The following SIPA1L1 variants were observed in gnomAD, a reference collection of about 807,000 sequenced individuals.
SIPA1L1 encodes signal-induced proliferation-associated 1-like protein 1.
A neutral mutation model predicts 162.7 loss-of-function variants in SIPA1L1; 26 were observed. The ratio of observed to expected loss-of-function variants is 0.16; its 90% confidence interval spans 0.12 to 0.22. The LOEUF is 0.22. Ranked by LOEUF, SIPA1L1 falls within the 10% of genes least tolerant of loss-of-function variation. The pLI is 1.00. For synonymous variants in SIPA1L1, 829 were observed against 837.4 expected (o/e 0.99, Z 0.17); for missense variants, 1,874 against 2,241.0 (o/e 0.84, Z 3.31).
At chr14:71,585,402 A>G (rs1273086622) in intron 4 of SIPA1L1, among the ~76,000 whole-genome samples, 2 of 152,176 alleles carry the variant, frequency 1.3e-5, no homozygotes, top group Non-Finnish European at 2.9e-5. Flanking sequence ...TTGGTAAGAA[A>G]TTTTTATATT....
chr14:71,628,083 G>A (rs544744064), intron 7 of SIPA1L1, among the ~76,000 whole-genome samples: 5 of 152,160 alleles, frequency 3.3e-5, no homozygotes, highest in South Asian at 2.1e-4. Context: ...CCAGGAGTTC[G>A]AGACCAGCCT....
Position 71,658,129 on chromosome 14 carries a change from G to C in SIPA1L1, c.1994-204G>C, listed in dbSNP as rs548627017. Among the ~76,000 whole-genome samples the C allele has an allele frequency of 5.3e-5, 8 of 151,078 alleles. No homozygotes were observed. The South Asian group carries it at 1.5e-3, about 28-fold the overall frequency. On this transcript the variant is annotated intron_variant, in intron 8 of 23. Coordinates refer to ENST00000381232, the MANE Select transcript of SIPA1L1 (RefSeq NM_001386936.1). Reference sequence around the variant, plus strand: ...TTTATACTTTTACAAATATTATTCTGAGAAGGGATCTGATCCGTAGGCTTC... The same window carrying C: ...TTTATACTTTTACAAATATTATTCTCAGAAGGGATCTGATCCGTAGGCTTC...
intron 4 of SIPA1L1, among the ~76,000 whole-genome samples, chr14:71,534,828 G>A (rs2145512522): frequency 6.6e-6 from 1 of 152,290 alleles, no homozygotes; most frequent in South Asian, 2.1e-4. Context: ...TATAGAGTCT[G>A]TTGATCGTAA....
chr14:71,602,079 T>G (rs1183848469), intron 5 of SIPA1L1, among the ~76,000 whole-genome samples: 1 of 152,146 alleles, frequency 6.6e-6, no homozygotes, highest in Non-Finnish European at 1.5e-5. Context: ...TCTTCTGTGA[T>G]CTGTTATTTC....
rs185190822 is a variant in SIPA1L1, at chr14:71,587,443, C to T, written c.-302-128C>T. On this transcript the variant is annotated intron_variant, in intron 4 of 23. Coordinates refer to ENST00000381232, the MANE Select transcript of SIPA1L1 (RefSeq NM_001386936.1). The stretch of plus-strand genomic sequence containing the variant: ...TTTCAAACCTGCTTTACTAAAAATA[C>T]GGATTGTGGAACTGTGAATCCTAAT... 1,997 of 389,318 alleles carry T rather than the reference C, an allele frequency of 5.1e-3. 11 individuals carry two copies. The highest frequency in any genetic ancestry group is 5.5e-3 in the Non-Finnish European group (1,213 of 220,822). 24.1% of individuals were successfully genotyped at this position (389,318 alleles called of 1,614,324 possible).
chr14:71,524,264 G>A (rs1383147385), intron 3 of SIPA1L1, among the ~76,000 whole-genome samples: 4 of 152,162 alleles, frequency 2.6e-5, no homozygotes, highest in East Asian at 1.9e-4. Flanking sequence ...GTCTATTATA[G>A]TCAAGATACT....
intron 4 of SIPA1L1, among the ~76,000 whole-genome samples, chr14:71,538,754 C>G (rs1441072462): frequency 6.6e-6 from 1 of 151,656 alleles, no homozygotes; most frequent in Non-Finnish European, 1.5e-5. Flanking sequence ...TGTCTGTTTT[C>G]TGGTGTTTGC....
At chr14:71,420,146 C>A (rs923127929) in intron 2 of SIPA1L1, among the ~76,000 whole-genome samples, 20 of 152,106 alleles carry the variant, frequency 1.3e-4, no homozygotes, top group African/African-American at 4.8e-4. Context: ...TATTTTATAT[C>A]TATTATGTAG....
chr14:71,621,733 A>G (rs2039470582), intron 6 of SIPA1L1, among the ~76,000 whole-genome samples: 1 of 152,106 alleles, frequency 6.6e-6, no homozygotes, highest in Non-Finnish European at 1.5e-5. Flanking sequence ...GTTCAGTACA[A>G]CGTGCCCGAT....
Position 71,437,339 on chromosome 14 carries a change from C to T in SIPA1L1, c.-464-75404C>T, listed in dbSNP as rs79334653. Among the ~76,000 whole-genome samples the T allele has an allele frequency of 2.0e-3, 308 of 152,110 alleles. 1 individual carries two copies. The highest frequency in any genetic ancestry group is 6.8e-3 in the African/African-American group (284 of 41,486). On this transcript the variant is annotated intron_variant, in intron 2 of 23. Coordinates refer to ENST00000381232, the MANE Select transcript of SIPA1L1 (RefSeq NM_001386936.1). ...AACCAGCCTGGGCGATAGTGAGACCCTGTCTCTTAGAAACTACATATATAT... is the reference window on the plus strand; with the variant it reads ...AACCAGCCTGGGCGATAGTGAGACCTTGTCTCTTAGAAACTACATATATAT...
intron 10 of SIPA1L1, among the ~76,000 whole-genome samples, chr14:71,664,435 A>G (rs758148967): frequency 1.3e-5 from 2 of 152,178 alleles, no homozygotes; most frequent in Non-Finnish European, 2.9e-5. Flanking sequence ...TTGTGGGTAC[A>G]TAGTAGGTGT....
At chr14:71,530,268 T>G (rs1207104130) in intron 4 of SIPA1L1, among the ~76,000 whole-genome samples, 1 of 152,162 alleles carries the variant, frequency 6.6e-6, no homozygotes, top group Non-Finnish European at 1.5e-5. Context: ...CTCTTCACTC[T>G]TAACAGTTAG....
At chr14:71,542,367 C>CCTGCTG (rs142934736) in intron 4 of SIPA1L1, among the ~76,000 whole-genome samples, 1 of 137,352 alleles carries the variant, frequency 7.3e-6, no homozygotes, top group East Asian at 2.3e-4. Context: ...TCTTCTTCTT[C>CCTGCTG]CTGCTGCTGC....
chr14:71,603,351 A>G (rs1466890092), intron 5 of SIPA1L1, among the ~76,000 whole-genome samples: 1 of 151,954 alleles, frequency 6.6e-6, no homozygotes, highest in Non-Finnish European at 1.5e-5. Context: ...ATTCAAGGTT[A>G]TTATTTATAG....
chr14:71,533,161 G>C, intron 4 of SIPA1L1, among the ~76,000 whole-genome samples: 1 of 151,954 alleles, frequency 6.6e-6, no homozygotes, highest in Non-Finnish European at 1.5e-5. Flanking sequence ...TCATTTTTTT[G>C]GTGTGTTTGC....
intron 2 of SIPA1L1, among the ~76,000 whole-genome samples, chr14:71,383,682 G>A (rs557818891): frequency 1.3e-5 from 2 of 152,092 alleles, no homozygotes; most frequent in Non-Finnish European, 2.9e-5. Context: ...AGAAGGGGTG[G>A]TGGGGGAAAG....
chr14:71,431,553 G>T (rs922840524), intron 2 of SIPA1L1, among the ~76,000 whole-genome samples: 5 of 151,966 alleles, frequency 3.3e-5, no homozygotes, highest in African/African-American at 9.7e-5. Context: ...AATTAGCTAG[G>T]TATGGTGGAG....
chr14:71,679,944 A>T (rs956483311), intron 12 of SIPA1L1, among the ~76,000 whole-genome samples: 1 of 152,178 alleles, frequency 6.6e-6, no homozygotes, highest in Admixed American at 6.5e-5. Flanking sequence ...AAGTCCTTAG[A>T]GACCTACAAA....
chr14:71,603,723 C>T (rs766810323), intron 5 of SIPA1L1, among the ~76,000 whole-genome samples: 95 of 151,734 alleles, frequency 6.3e-4, no homozygotes, highest in Non-Finnish European at 1.1e-3. Flanking sequence ...GAGTTCGAGA[C>T]CAGCCTGGCC....
Sources: allele counts gnomAD v4.1 joint callset (sites outside exome capture counted in the v4.1 genomes callset), GRCh38; gene constraint gnomAD v4.1.1; transcripts MANE v1.5; gene names NCBI Gene and HGNC (gene_info 2026-07-23, HGNC 2026-07-21).